WDTC1: variants seen among roughly 807,000 people sequenced by gnomAD.
WDTC1 encodes the protein WD and tetratricopeptide repeats protein 1.
WDTC1 carries 12 observed loss-of-function variants against 76.0 expected under a neutral mutation model. That is an observed-to-expected ratio of 0.16 (90% CI 0.10 to 0.26). WDTC1 has a LOEUF of 0.26. Among genes scored for constraint, WDTC1 ranks in the 10% least tolerant of loss-of-function variants. WDTC1 has a pLI of 1.00. For missense variants in WDTC1, 511 were observed against 908.8 expected, an observed-to-expected ratio of 0.56 and a Z score of 5.63; for synonymous variants, 326 against 350.8, an observed-to-expected ratio of 0.93 and a Z score of 0.79.
chr1:27,262,012 C>T (rs1448697539), intron 2 of WDTC1, among the ~76,000 whole-genome samples: 1 of 151,884 alleles, frequency 6.6e-6, no homozygotes, highest in Admixed American at 6.6e-5. Context: ...TCAGTGCGAC[C>T]TCCACCTCCC....
intron 1 of WDTC1, among the ~76,000 whole-genome samples, chr1:27,239,517 CAAAAAAAAA>C (rs1165446864): frequency 4.9e-5 from 2 of 40,588 alleles, no homozygotes; most frequent in East Asian, 9.0e-4. Context: ...GACCCTGTCT[CAAAAAAAAA>C]AAAAAAAAAA....
intron 11 of WDTC1, among the ~76,000 whole-genome samples, chr1:27,297,481 C>G (rs900498565): frequency 6.6e-6 from 1 of 152,218 alleles, no homozygotes; most frequent in African/African-American, 2.4e-5. Context: ...TTATATTATT[C>G]CCCATCCTAT....
At chr1:27,298,406 G>A (rs535637659) in intron 12 of WDTC1, among the ~76,000 whole-genome samples, 66 of 152,348 alleles carry the variant, frequency 4.3e-4, no homozygotes, top group Middle Eastern at 3.4e-3. Flanking sequence ...GGCCCCTGGG[G>A]AAGTATGAGT....
Position 27,234,890 on chromosome 1 carries a change from C to T in WDTC1, c.-161C>T, listed in dbSNP as rs954467859. ...CCCTTCCCGGGAGAGGGGCCGCCCCCCCCGGACGGACATGGGCTCCTGAAG... is the reference window on the plus strand; with the variant it reads ...CCCTTCCCGGGAGAGGGGCCGCCCCTCCCGGACGGACATGGGCTCCTGAAG... On this transcript the variant is annotated 5_prime_UTR_variant, in exon 1 of 16. Transcript: ENST00000319394. 2 of 395,720 alleles carry T rather than the reference C, an allele frequency of 5.1e-6. No homozygotes were observed. The highest frequency in any genetic ancestry group is 7.2e-5 in the East Asian group (2 of 27,894). The allele number at this position is 395,720 out of a possible 1,614,324, so 24.5% of individuals were successfully genotyped here. A position where few individuals can be genotyped will look rare whatever the true frequency, so the allele number is the denominator to read the frequency against.
intron 3 of WDTC1, among the ~76,000 whole-genome samples, chr1:27,275,533 G>A (rs771712550): frequency 6.6e-6 from 1 of 151,612 alleles, no homozygotes; most frequent in Non-Finnish European, 1.5e-5. Context: ...CAGGAGAATT[G>A]CTTGAACCCA....
At chr1:27,263,267 A>G (rs368361121) in intron 3 of WDTC1, 32 bp downstream of exon 3, 108 of 1,603,112 alleles carry the variant, frequency 6.7e-5, no homozygotes, top group Non-Finnish European at 8.7e-5. Context: ...TTAGATGCAG[A>G]TGGCCTGCTG....
At chr1:27,246,905 C>T (rs1472241400) in intron 1 of WDTC1, among the ~76,000 whole-genome samples, 3 of 140,208 alleles carry the variant, frequency 2.1e-5, no homozygotes, top group East Asian at 2.2e-4. Context: ...CTCACTCTGT[C>T]ACCCAGCCTG....
At chr1:27,289,845 C>T (rs1457775292) in intron 6 of WDTC1, among the ~76,000 whole-genome samples, 3 of 152,174 alleles carry the variant, frequency 2.0e-5, no homozygotes, top group African/African-American at 4.8e-5. Context: ...ACCAGTCAGG[C>T]GTGGCGGCAC....
chr1:27,234,528 C>T, upstream of WDTC1: 2 of 370,168 alleles, frequency 5.4e-6, no homozygotes, highest in Non-Finnish European at 9.6e-6. Flanking sequence ...GTGGGGGGGC[C>T]CGGCTAGCCA....
At chr1:27,258,002 G>T (rs550056442) in intron 1 of WDTC1, among the ~76,000 whole-genome samples, 5 of 152,062 alleles carry the variant, frequency 3.3e-5, no homozygotes, top group African/African-American at 1.2e-4. Context: ...TATTGGCCAG[G>T]CTGGTCTCAA....
chr1:27,245,569 TTTG>T, intron 1 of WDTC1, among the ~76,000 whole-genome samples: 1 of 151,270 alleles, frequency 6.6e-6, no homozygotes, highest in Non-Finnish European at 1.5e-5. Context: ...GTTTTTTTTT[TTTG>T]TTTGTTTGTA....
chr1:27,305,175 C>T lies in WDTC1; in HGVS notation c.1818C>T (p.Leu606=). The T allele has an allele frequency of 6.2e-7, 1 of 1,613,862 alleles. No individual in the cohort carries two copies. The highest frequency in any genetic ancestry group is 8.5e-7 in the Non-Finnish European group (1 of 1,179,944). Residue 606 remains leucine, a synonymous_variant, in exon 15 of 16, where the codon CTC becomes CTT. Transcript: ENST00000319394. The surrounding 1 kb of genome is among the most constrained non-coding windows in gnomAD (Gnocchi z 4.6). Reference sequence around the variant, plus strand: ...GTGGCATCGATCCTGTTGTGCGGCTCTGGAACCCCCGACCAGAGGTGAGGG... The same window carrying T: ...GTGGCATCGATCCTGTTGTGCGGCTTTGGAACCCCCGACCAGAGGTGAGGG... ...ATSGIDPVVR[L]WNPRPESEDL...
chr1:27,270,912 A>G (rs2012852292), intron 3 of WDTC1, among the ~76,000 whole-genome samples: 2 of 152,148 alleles, frequency 1.3e-5, no homozygotes, highest in African/African-American at 4.8e-5. Flanking sequence ...TTTTTTTATC[A>G]TTCTAACTAG....
chr1:27,244,482 C>T (rs1345211877), intron 1 of WDTC1, among the ~76,000 whole-genome samples: 1 of 152,128 alleles, frequency 6.6e-6, no homozygotes, highest in Non-Finnish European at 1.5e-5. Flanking sequence ...GCTAGGACTA[C>T]AGGAGTGTGC....
chr1:27,287,738 A>G lies in WDTC1; in HGVS notation c.356A>G (p.His119Arg). 1 of 1,614,124 alleles carries G rather than the reference A, an allele frequency of 6.2e-7. No homozygotes were observed. Residue 119 changes from histidine to arginine, a missense_variant, in exon 6 of 16, where the codon CAC (histidine) becomes CGC (arginine). Coordinates refer to ENST00000319394, the MANE Select transcript of WDTC1 (RefSeq NM_001276252.2). ...GCAGCCGACTCTAAGGTGCATGTGC[A>G]CGACCTGACAGTAAAGGAGACCATC... is the stretch of plus-strand genomic sequence containing the variant. ...TGAADSKVHV[H>R]DLTVKETIHM...
At chr1:27,261,985 A>T (rs1015508950) in intron 2 of WDTC1, among the ~76,000 whole-genome samples, 2 of 151,886 alleles carry the variant, frequency 1.3e-5, no homozygotes, top group South Asian at 4.2e-4. Context: ...GCTGGAGTGC[A>T]GTGGTGTGAT....
chr1:27,239,853 G>C (rs2011579281), intron 1 of WDTC1, among the ~76,000 whole-genome samples: 1 of 149,442 alleles, frequency 6.7e-6, no homozygotes, highest in Non-Finnish European at 1.5e-5. Flanking sequence ...AAACTAACAT[G>C]TATTGAATAT....
chr1:27,241,965 C>T (rs146713030), intron 1 of WDTC1, among the ~76,000 whole-genome samples: 4 of 151,116 alleles, frequency 2.6e-5, no homozygotes, highest in Non-Finnish European at 4.4e-5. Flanking sequence ...AATCTTGGCT[C>T]ACTGCAGCCT....
rs922563087 is a variant in WDTC1, at chr1:27,296,222, G to A, written c.874-104G>A. 2.4e-5 allele frequency: 32 copies of A among 1,320,264 alleles called. No individual in the cohort carries two copies. The African/African-American group carries it at 2.9e-4, about 12-fold the overall frequency. 81.8% of individuals were successfully genotyped at this position (1,320,264 alleles called of 1,614,324 possible). On this transcript the variant is annotated intron_variant, in intron 9 of 15. Transcript: ENST00000319394. ...GATTGTTCTATGCTCAACACTCACT[G>A]TGTTCCAAGACTCTAGTTCTTGAGA...
Sources: gnomAD v4.1 joint callset for allele counts (sites outside exome capture counted in the v4.1 genomes callset) on GRCh38, gnomAD v4.1.1 for gene constraint, Gnocchi (gnomAD v3.1) non-coding constraint, MANE v1.5 for transcripts, NCBI Gene and HGNC (gene_info 2026-07-23, HGNC 2026-07-21) for gene names.